The following GLDC variants were observed in gnomAD, a reference collection of about 807,000 sequenced individuals.
GLDC encodes glycine decarboxylase, also known as glycine dehydrogenase (decarboxylating), mitochondrial.
A neutral mutation model predicts 121.3 loss-of-function variants in GLDC; 104 were observed. That is an observed-to-expected ratio of 0.86 (90% CI 0.73 to 1.01). GLDC has a LOEUF of 1.01. Among genes scored for constraint, GLDC ranks in the 50% least tolerant of loss-of-function variants. GLDC has a pLI of 0.00. For synonymous variants in GLDC, 546 were observed against 480.6 expected, an observed-to-expected ratio of 1.14 and a Z score of -1.78; for missense variants, 1,429 against 1,306.6, an observed-to-expected ratio of 1.09 and a Z score of -1.44.
intron 2 of GLDC, among the ~76,000 whole-genome samples, chr9:6,626,565 G>A (rs1819242154): frequency 6.6e-6 from 1 of 152,108 alleles, no homozygotes; most frequent in East Asian, 1.9e-4. Context: ...TATACTAATT[G>A]GCCTTTTAAA....
At chr9:6,554,834 C>G (rs1294086003) in intron 18 of GLDC, 53 bp from the exon 19 acceptor site, 3 of 1,367,664 alleles carry the variant, frequency 2.2e-6, no homozygotes, top group East Asian at 4.8e-5. Context: ...GAAGCACCCT[C>G]CAGTGTGAAG....
At chr9:6,575,473 T>C (rs1818047179) in intron 15 of GLDC, among the ~76,000 whole-genome samples, 1 of 152,216 alleles carries the variant, frequency 6.6e-6, no homozygotes, top group Non-Finnish European at 1.5e-5. Flanking sequence ...CCAGACTTAC[T>C]GAATCAGAAA....
Position 6,645,371 on chromosome 9 carries a change from GT to G in GLDC, c.128del (p.Asp43AlafsTer48), listed in dbSNP as rs1251443902. On this transcript the variant is annotated frameshift_variant, in exon 1 of 25. Transcript: ENST00000321612. LOFTEE classifies it high-confidence loss of function. The stretch of plus-strand genomic sequence containing the variant: ...GGCGCGAGGCCCCAGCCGCGGCGCT[GT>G]CCCCGCCGCCACTGCTGCTGTCCCG... Reference protein sequence around the residue: ...RSRDSSSGGGDSAAAGASRLL... With the variant: ...RSRDSSSGGGXSAAAGASRLL... 2 of 1,533,636 alleles carry G rather than the reference GT, an allele frequency of 1.3e-6. No individual in the cohort carries two copies. The highest frequency in any genetic ancestry group is 1.8e-6 in the Non-Finnish European group (2 of 1,141,964).
chr9:6,554,078 A>G (rs1042964012), intron 19 of GLDC, among the ~76,000 whole-genome samples: 8 of 152,150 alleles, frequency 5.3e-5, no homozygotes, highest in African/African-American at 1.9e-4. Context: ...TTTTTGGGAG[A>G]CTGAAGCAGC....
At chr9:6,629,929 C>CTATATATATATATACGTATATATATATA (rs1819326927) in intron 2 of GLDC, among the ~76,000 whole-genome samples, 2 of 102,168 alleles carry the variant, frequency 2.0e-5, no homozygotes, top group Non-Finnish European at 3.7e-5. Context: ...TTGCTTTTCA[C>CTATATATATATATACGTATATATATATA]TATATATATA....
chr9:6,555,468 T>C (rs940441242), intron 18 of GLDC, among the ~76,000 whole-genome samples: 2 of 149,674 alleles, frequency 1.3e-5, no homozygotes, highest in African/African-American at 4.9e-5. Flanking sequence ...GGCTCTAAAA[T>C]GGTAGGAAAA....
In GLDC at chr9:6,545,015, C is replaced by G. The variant is rs573578051; in HGVS notation, c.2570-4869G>C. Among the ~76,000 whole-genome samples the G allele has an allele frequency of 1.6e-4, 24 of 152,080 alleles. No homozygotes were observed. The South Asian group carries it at 5.0e-3, about 32-fold the overall frequency. The stretch of plus-strand genomic sequence containing the variant: ...TCAGGAGGCTGAGGTGGGAGAATCG[C>G]TTGAACCCGGGAGGCAGAGGTTGAG... On this transcript the variant is annotated intron_variant, in intron 21 of 24. Coordinates refer to ENST00000321612, the MANE Select transcript of GLDC (RefSeq NM_000170.3).
chr9:6,592,709 T>C (rs1051960397), intron 10 of GLDC, 142 bp downstream of exon 10: 5 of 744,180 alleles, frequency 6.7e-6, no homozygotes, highest in Middle Eastern at 3.8e-4. Context: ...TGTTGCATAA[T>C]GTAAATAACA....
At position 6,620,266 on chromosome 9, in the gene GLDC, A is replaced by G; in HGVS notation, c.388T>C (p.Trp130Arg). The G allele has an allele frequency of 1.2e-6, 2 of 1,613,576 alleles. No individual in the cohort carries two copies. Among genetic ancestry groups the G allele is most frequent in the Non-Finnish European group, 1.7e-6 (2 of 1,179,442 alleles). Residue 130 changes from tryptophan (W) to arginine (R), a missense_variant, in exon 3 of 25, where the codon TGG becomes CGG. Transcript: ENST00000321612. ...TAGCCCATGCCAATATACGATCTCC[A>G]GATCTGGTTTTTGCTTGAAATGGCA... ...LHAISSKNQI[W>R]RSYIGMGYYN...
At chr9:6,639,024 G>A (rs1819570824) in intron 2 of GLDC, 5 of 463,002 alleles carry the variant, frequency 1.1e-5, no homozygotes, top group Admixed American at 3.6e-5. Context: ...AAAAAAAAAA[G>A]TATATCCTCA....
rs559358475 is a variant in GLDC at position 6,644,192 on chromosome 9, G to A, written c.334+422C>T. Among the ~76,000 whole-genome samples, 75 of 152,000 alleles carry A rather than the reference G, an allele frequency of 4.9e-4. 1 individual carries two copies. In the South Asian group the frequency reaches 0.015, roughly 30 times the overall value. On this transcript the variant is annotated intron_variant, in intron 2 of 24. Transcript: ENST00000321612. ...GATCTAAAGAAGCCTGGGGGAGGGA[G>A]GCGAGATGTCTGGTCACTTCCCCAG...
intron 3 of GLDC, 65 bp from the exon 4 acceptor site, chr9:6,610,421 T>G: frequency 6.6e-7 from 1 of 1,517,430 alleles, no homozygotes; most frequent in Non-Finnish European, 9.1e-7. Flanking sequence ...CAAAATGCTA[T>G]CATTTCAGAA....
intron 17 of GLDC, 126 bp from the exon 18 acceptor site, chr9:6,556,428 T>C (rs1441723426): frequency 1.3e-6 from 1 of 779,266 alleles, no homozygotes; most frequent in East Asian, 2.5e-5. Flanking sequence ...CCTGGAACTG[T>C]CTCAAAGTAC....
intron 2 of GLDC, chr9:6,639,205 T>G: frequency 1.1e-6 from 1 of 878,398 alleles, no homozygotes; most frequent in East Asian, 2.4e-5. Flanking sequence ...GAGAATGCTT[T>G]AAAGGCCAAG....
rs1055782169 is a variant in GLDC, at chr9:6,556,204, G to A, written c.2151C>T (p.Ile717=). The A allele has an allele frequency of 9.9e-6, 16 of 1,612,914 alleles. No homozygotes were observed. In the Admixed American group the frequency reaches 2.7e-4, roughly 27 times the overall value. Residue 717 remains isoleucine, a synonymous_variant, in exon 18 of 25, where the codon ATC becomes ATT. Transcript: ENST00000321612. ...GGTAGACCTGTCCTCCATGTTGATG[G>A]ATGAGGTCACACACGTCACTGATGT... ...EENISDVCDL[I]HQHGGQVYLD...
chr9:6,605,306 C>T (rs554324461), intron 5 of GLDC, 28 bp from the exon 6 acceptor site: 133 of 1,611,370 alleles, frequency 8.3e-5, no homozygotes, highest in Non-Finnish European at 1.0e-4. Flanking sequence ...AAAGAACAAT[C>T]GTGCTTTCGG....
intron 2 of GLDC, 177 bp downstream of exon 2, chr9:6,644,437 C>G (rs1248399182): frequency 2.0e-5 from 13 of 657,774 alleles, no homozygotes; most frequent in African/African-American, 1.4e-4. Flanking sequence ...ACTGTCTGCT[C>G]CGAGAACCAA....
At chr9:6,575,533 A>G (rs934809744) in intron 15 of GLDC, among the ~76,000 whole-genome samples, 20 of 152,326 alleles carry the variant, frequency 1.3e-4, no homozygotes, top group Admixed American at 3.3e-4. Context: ...GGTGATTCTC[A>G]TGCACAATTA....
chr9:6,535,025 T>C (rs550457530), intron 23 of GLDC, among the ~76,000 whole-genome samples: 1 of 152,350 alleles, frequency 6.6e-6, no homozygotes, highest in East Asian at 1.9e-4. Flanking sequence ...TTCTGTCATA[T>C]TTGCTTCATC....
Sources: allele counts gnomAD v4.1 joint callset (sites outside exome capture counted in the v4.1 genomes callset), GRCh38; gene constraint gnomAD v4.1.1; transcripts MANE v1.5; gene names NCBI Gene and HGNC (gene_info 2026-07-23, HGNC 2026-07-21).